TACC2: variants seen among roughly 807,000 people sequenced by gnomAD.
The protein encoded by TACC2 is transforming acidic coiled-coil containing protein 2.
TACC2 carries 137 observed loss-of-function variants against 227.3 expected under a neutral mutation model. The ratio of observed to expected loss-of-function variants is 0.60; its 90% CI spans 0.52 to 0.69. TACC2 has a LOEUF of 0.69. Among genes scored for constraint, TACC2 ranks in the 30% least tolerant of loss-of-function variants. TACC2 has a pLI of 0.00. For missense variants in TACC2, 3,470 were observed against 3,694.4 expected, an observed-to-expected ratio of 0.94 and a Z score of 1.57; for synonymous variants, 1,523 against 1,487.5, an observed-to-expected ratio of 1.02 and a Z score of -0.55.
chr10:122,233,952 G>A (rs78287286), intron 16 of TACC2, among the ~76,000 whole-genome samples: 2,501 of 152,320 alleles, frequency 0.016, 86 homozygotes, highest in African/African-American at 0.057. Context: ...ACTCTCCTGC[G>A]CGGGTGGCGG....
chr10:122,044,297 C>T (rs765100796), intron 2 of TACC2, among the ~76,000 whole-genome samples: 32 of 152,220 alleles, frequency 2.1e-4, no homozygotes, highest in Non-Finnish European at 4.4e-4. Context: ...AACCTGTATT[C>T]GTCAATCTTT....
At chr10:122,079,846 G>A (rs1461174650) in intron 3 of TACC2, among the ~76,000 whole-genome samples, 1 of 152,210 alleles carries the variant, frequency 6.6e-6, no homozygotes, top group Admixed American at 6.5e-5. Context: ...GCTGTTGGCA[G>A]GGCTAAATGA....
intron 5 of TACC2, among the ~76,000 whole-genome samples, chr10:122,099,328 C>T (rs116809248): frequency 0.039 from 5,921 of 152,272 alleles, 210 homozygotes; most frequent in African/African-American, 0.091. Context: ...GTCTCAACCC[C>T]AGACCAGACT....
At chr10:122,131,590 C>T (rs932835378) in intron 5 of TACC2, among the ~76,000 whole-genome samples, 1 of 152,178 alleles carries the variant, frequency 6.6e-6, no homozygotes, top group Non-Finnish European at 1.5e-5. Flanking sequence ...AAACTCAAGG[C>T]TGGGGTTTCT....
intron 2 of TACC2, among the ~76,000 whole-genome samples, chr10:122,049,710 A>G (rs546559937): frequency 4.0e-5 from 6 of 151,644 alleles, no homozygotes; most frequent in African/African-American, 1.5e-4. Flanking sequence ...CTAAAATAGC[A>G]TCATTTAAAT....
intron 21 of TACC2, 151 bp from the exon 22 acceptor site, chr10:122,249,393 G>C (rs1054495704): frequency 7.2e-6 from 8 of 1,113,576 alleles, no homozygotes; most frequent in Non-Finnish European, 1.0e-5. Flanking sequence ...ATGGAATTGG[G>C]TTTGGTGTTC....
chr10:122,189,654 C>T (rs561183949), intron 7 of TACC2, among the ~76,000 whole-genome samples: 1 of 152,186 alleles, frequency 6.6e-6, no homozygotes, highest in Non-Finnish European at 1.5e-5. Context: ...AAGGAATTGA[C>T]CTGGATTCGA....
chr10:122,020,073 C>T (rs1041735940), intron 1 of TACC2, among the ~76,000 whole-genome samples: 1 of 152,032 alleles, frequency 6.6e-6, no homozygotes, highest in Non-Finnish European at 1.5e-5. Context: ...AGTTCAGATG[C>T]CTTGATTTTT....
chr10:122,197,345 G>A (rs1470400600), intron 8 of TACC2, among the ~76,000 whole-genome samples: 1 of 152,234 alleles, frequency 6.6e-6, no homozygotes, highest in African/African-American at 2.4e-5. Context: ...GGAGTGTGCG[G>A]AGAGGCCACT....
chr10:122,114,546 A>C (rs1466863820), intron 5 of TACC2, among the ~76,000 whole-genome samples: 1 of 152,164 alleles, frequency 6.6e-6, no homozygotes, highest in East Asian at 1.9e-4. Context: ...CAGGCGGGTG[A>C]GTGGATTCCC....
At position 122,229,338 on chromosome 10, in the gene TACC2, G is replaced by A; in HGVS notation, c.7897-8G>A. 6.2e-7 allele frequency: 1 copy of A among 1,613,522 alleles called. No individual in the cohort carries two copies. Among genetic ancestry groups the A allele is most frequent in the Non-Finnish European group, 8.5e-7 (1 of 1,179,900 alleles). On this transcript the variant is annotated splice_region_variant and splice_polypyrimidine_tract_variant and intron_variant, in intron 14 of 22. Coordinates refer to ENST00000369005, the MANE Select transcript of TACC2 (RefSeq NM_206862.4). ...TTCTTGTGTGTCCTCCTCTCTGCCG[G>A]CTTTCAGACAGCTCCCGAGGGCTCC...
chr10:122,230,259 T>G (rs1482088912), intron 15 of TACC2, 92 bp from the exon 16 acceptor site: 3 of 1,101,778 alleles, frequency 2.7e-6, no homozygotes, highest in Non-Finnish European at 2.8e-6. Context: ...TCATGACACA[T>G]TTTCGTGGCA....
chr10:121,998,312 C>CA (rs1278618833), intron 1 of TACC2, among the ~76,000 whole-genome samples: 1,107 of 70,270 alleles, frequency 0.016, 21 homozygotes, highest in African/African-American at 0.047. Context: ...ACCACGTTCT[C>CA]AAAAAAAAAA....
In TACC2 at chr10:122,086,741, A is replaced by T; in HGVS notation, c.4241A>T (p.Lys1414Met). ...GFPDFREHIA[K>M]IFEKPVLGAL... ...CCAGACTTCAGGGAGCACATCGCCA[A>T]GATCTTCGAGAAGCCTGTGCTCGGA... Residue 1414 changes from lysine to methionine, a missense_variant, in exon 4 of 23, where the codon AAG becomes ATG. By Grantham distance (95) the Lys-to-Met change is moderately conservative. Coordinates refer to ENST00000369005, the MANE Select transcript of TACC2 (RefSeq NM_206862.4). 6.2e-7 allele frequency: 1 copy of T among 1,613,992 alleles called. No individual in the cohort carries two copies. The highest frequency in any genetic ancestry group is 8.5e-7 in the Non-Finnish European group (1 of 1,179,978).
chr10:122,074,326 T>A (rs528974296), intron 3 of TACC2, among the ~76,000 whole-genome samples: 4 of 150,658 alleles, frequency 2.7e-5, no homozygotes, highest in Non-Finnish European at 5.9e-5. Context: ...GTGATCCACC[T>A]GCCTCGGCCT....
At chr10:121,994,105 T>C (rs955765288) in intron 1 of TACC2, among the ~76,000 whole-genome samples, 9 of 152,204 alleles carry the variant, frequency 5.9e-5, no homozygotes, top group Admixed American at 3.3e-4. Flanking sequence ...TTTAATTCCC[T>C]GGCTACTGAT....
chr10:122,032,370 C>T (rs1291370291), intron 2 of TACC2, among the ~76,000 whole-genome samples: 1 of 152,194 alleles, frequency 6.6e-6, no homozygotes, highest in African/African-American at 2.4e-5. Context: ...AGGCCCCTAG[C>T]ACCTCAGGAG....
At chr10:122,031,474 G>C (rs999251204) in intron 2 of TACC2, among the ~76,000 whole-genome samples, 1 of 138,572 alleles carries the variant, frequency 7.2e-6, no homozygotes, top group African/African-American at 2.8e-5. Context: ...GCACAATCTC[G>C]GCTCACTGCA....
intron 7 of TACC2, among the ~76,000 whole-genome samples, chr10:122,149,623 G>A (rs1368560779): frequency 2.0e-5 from 3 of 151,946 alleles, no homozygotes; most frequent in East Asian, 3.9e-4. Flanking sequence ...CCCTCCACCC[G>A]AGTTAGAGAA....
Sources: allele counts gnomAD v4.1 joint callset (sites outside exome capture counted in the v4.1 genomes callset), GRCh38; gene constraint gnomAD v4.1.1; transcripts MANE v1.5; gene names NCBI Gene and HGNC (gene_info 2026-07-23, HGNC 2026-07-21).